PDE1C: variants seen among roughly 807,000 people sequenced by gnomAD.
PDE1C encodes dual specificity calcium/calmodulin-dependent 3',5'-cyclic nucleotide phosphodiesterase 1C.
In PDE1C, 62 loss-of-function variants were observed where a neutral mutation model predicts 93.1. The ratio of observed to expected loss-of-function variants is 0.67; its 90% CI spans 0.54 to 0.82. The LOEUF is 0.82. Ranked by LOEUF, PDE1C falls within the 40% of genes least tolerant of loss-of-function variation. PDE1C has a pLI of 0.00. For missense variants in PDE1C, 742 were observed against 884.6 expected (o/e 0.84, Z 2.04); for synonymous variants, 325 against 310.1 (o/e 1.05, Z -0.50).
chr7:31,820,131 A>G (rs905409654), intron 14 of PDE1C, among the ~76,000 whole-genome samples: 8 of 152,254 alleles, frequency 5.3e-5, no homozygotes, highest in Non-Finnish European at 1.0e-4. Flanking sequence ...ATCAGAATAA[A>G]ATATTCAAAA....
chr7:32,320,852 G>T (rs215629), intron 1 of PDE1C, among the ~76,000 whole-genome samples: 2 of 152,014 alleles, frequency 1.3e-5, no homozygotes, highest in Non-Finnish European at 2.9e-5. Flanking sequence ...ATTGTCACCA[G>T]AGCTGCATCT....
the PDE1C span, among the ~76,000 whole-genome samples, chr7:31,659,758 G>C: frequency 3.3e-5 from 5 of 152,190 alleles, no homozygotes; most frequent in East Asian, 1.9e-4. Flanking sequence ...ATTTTGTGTG[G>C]CCTTCTGCAA....
intron 1 of PDE1C, among the ~76,000 whole-genome samples, chr7:32,367,825 C>T (rs1784254459): frequency 6.6e-6 from 1 of 152,038 alleles, no homozygotes; most frequent in African/African-American, 2.4e-5. Flanking sequence ...TGCCTGTGGT[C>T]CCAGCTACTC....
In PDE1C at chr7:31,753,479, T is replaced by C. The variant is rs1489681430; in HGVS notation, c.2035A>G (p.Lys679Glu). 6.2e-7 allele frequency: 1 copy of C among 1,612,516 alleles called. No homozygotes were observed. The highest frequency in any genetic ancestry group is 8.5e-7 in the Non-Finnish European group (1 of 1,179,748). Residue 679 changes from lysine (K) to glutamate (E), a missense_variant, in exon 18 of 18, where the codon AAA (lysine) becomes GAA (glutamate). Lys to Glu is a moderately conservative substitution (Grantham distance 56). Around this residue, in one of 4 missense-constraint regions of PDE1C, gnomAD observed 454 missense variants for 459.4 expected, o/e 0.99. Coordinates refer to ENST00000396191, the MANE Select transcript of PDE1C (RefSeq NM_001191057.4). ...TACCTTGCAGGATGCTCATCAGTTT[T>C]CTTTGAGACTGAAGGTGCATAGGAG... is the stretch of plus-strand genomic sequence containing the variant. Reference protein sequence around the residue: ...SSSYAPSVSKKTDEHPARYKM... With the variant: ...SSSYAPSVSKETDEHPARYKM...
At chr7:31,702,061 C>T in the PDE1C span, among the ~76,000 whole-genome samples, 1 of 152,142 alleles carries the variant, frequency 6.6e-6, no homozygotes, top group African/African-American at 2.4e-5. Flanking sequence ...CTTTGTATAA[C>T]CCAGATCTGA....
chr7:31,649,910 A>T, the PDE1C span, among the ~76,000 whole-genome samples: 2 of 152,146 alleles, frequency 1.3e-5, no homozygotes, highest in Non-Finnish European at 2.9e-5. Flanking sequence ...GCTCCACTCC[A>T]ATTTGTGCAG....
intron 2 of PDE1C, among the ~76,000 whole-genome samples, chr7:32,170,230 G>A (rs1013634429): frequency 6.6e-6 from 1 of 152,070 alleles, no homozygotes; most frequent in Non-Finnish European, 1.5e-5. Context: ...AGAGCCACAG[G>A]TATCTATGTA....
chr7:31,631,847 G>A, the PDE1C span, among the ~76,000 whole-genome samples: 1 of 152,174 alleles, frequency 6.6e-6, no homozygotes, highest in Non-Finnish European at 1.5e-5. Context: ...CTTGTCTCAG[G>A]ATTATTTTCA....
chr7:31,788,548 C>T (rs926993345), intron 16 of PDE1C: 1 of 152,168 alleles, frequency 6.6e-6, no homozygotes, highest in East Asian at 1.9e-4. Context: ...CCCACCCTCT[C>T]CAATTTCTCA....
downstream of PDE1C, among the ~76,000 whole-genome samples, chr7:31,746,891 G>T (rs1419036684): frequency 6.6e-6 from 1 of 152,190 alleles, no homozygotes; most frequent in Non-Finnish European, 1.5e-5. Flanking sequence ...AGGTGGGGAA[G>T]ATGCATTCAA....
chr7:31,878,163 C>T (rs980790538), intron 4 of PDE1C, 127 bp from the exon 5 acceptor site: 20 of 578,558 alleles, frequency 3.5e-5, no homozygotes, highest in Non-Finnish European at 4.8e-5. Context: ...ACCTAAAATT[C>T]ATTTTTTGAC....
intron 1 of PDE1C, among the ~76,000 whole-genome samples, chr7:32,257,175 G>A (rs1311052240): frequency 6.6e-6 from 1 of 152,146 alleles, no homozygotes; most frequent in South Asian, 2.1e-4. Flanking sequence ...AGATTGAGAC[G>A]ATGAACAAGT....
the PDE1C span, among the ~76,000 whole-genome samples, chr7:31,739,987 T>G: frequency 6.6e-6 from 1 of 152,222 alleles, no homozygotes; most frequent in Non-Finnish European, 1.5e-5. Context: ...CCGATCTGCC[T>G]GAGAACTGGC....
intron 1 of PDE1C, among the ~76,000 whole-genome samples, chr7:32,358,056 G>C (rs1784065662): frequency 6.6e-6 from 1 of 152,226 alleles, no homozygotes; most frequent in East Asian, 1.9e-4. Context: ...GAGCTACACT[G>C]TCTCCTAAGA....
intron 1 of PDE1C, among the ~76,000 whole-genome samples, chr7:32,356,943 A>G (rs1402442898): frequency 7.6e-6 from 1 of 131,672 alleles, no homozygotes; most frequent in Non-Finnish European, 1.7e-5. Context: ...GGGACATGCT[A>G]GATGAATGCC....
intron 1 of PDE1C, among the ~76,000 whole-genome samples, chr7:32,258,146 A>T (rs531382127): frequency 1.9e-4 from 29 of 152,320 alleles, no homozygotes; most frequent in African/African-American, 6.7e-4. Context: ...TCTAAGAAGG[A>T]CACTGACTTA....
At chr7:32,289,358 C>T (rs181946413) in intron 1 of PDE1C, among the ~76,000 whole-genome samples, 8 of 152,276 alleles carry the variant, frequency 5.3e-5, no homozygotes, top group Non-Finnish European at 8.8e-5. Context: ...TGTGGTGAAC[C>T]GTGATCGTAC....
intron 2 of PDE1C, among the ~76,000 whole-genome samples, chr7:32,186,932 T>G (rs1208896437): frequency 6.6e-6 from 1 of 152,296 alleles, no homozygotes; most frequent in Non-Finnish European, 1.5e-5. Flanking sequence ...GATAGAAAAT[T>G]ACTCATTTTG....
intron 2 of PDE1C, among the ~76,000 whole-genome samples, chr7:32,032,379 C>T (rs1273886319): frequency 1.3e-5 from 2 of 152,138 alleles, no homozygotes; most frequent in East Asian, 3.9e-4. Context: ...TCTGTGAGTT[C>T]CTCACACCCG....
Sources: gnomAD v4.1 joint callset for allele counts (sites outside exome capture counted in the v4.1 genomes callset) on GRCh38, gnomAD v4.1.1 for gene constraint, gnomAD v4.1.1 regional missense constraint, MANE v1.5 for transcripts, NCBI Gene and HGNC (gene_info 2026-07-23, HGNC 2026-07-21) for gene names.